The following PTX4 variants were observed in gnomAD, a reference collection of about 807,000 sequenced individuals.
PTX4 encodes the protein pentraxin-4.
A neutral mutation model predicts 19.1 loss-of-function variants in PTX4; 23 were observed. The observed-to-expected ratio is 1.20, with a 90% CI of 0.87 to 1.70. The LOEUF (loss-of-function observed/expected upper bound fraction) is 1.70. Among genes scored for constraint, PTX4 ranks in the 40% most tolerant of loss-of-function variants. PTX4 has a pLI of 0.00. For synonymous variants in PTX4, 317 were observed against 279.6 expected (o/e 1.13, Z -1.33); for missense variants, 678 against 610.5 (o/e 1.11, Z -1.17).
In PTX4 at chr16:1,488,790, C is replaced by T; in HGVS notation, c.120G>A (p.Arg40=). The T allele has an allele frequency of 1.4e-6, 1 of 701,956 alleles. No individual in the cohort carries two copies. The highest frequency in any genetic ancestry group is 2.6e-6 in the Non-Finnish European group (1 of 384,252). 43.5% of individuals were successfully genotyped at this position (701,956 alleles called of 1,614,324 possible). A position where few individuals can be genotyped will look rare whatever the true frequency, so the allele number is the denominator to read the frequency against. ...TTGCCTGTTCCTCCAGCCTACGGAG[C>T]CTCTCGAAAAACGGTTTCCTGGGCC... The part of the protein sequence containing the change: ...PVGPRKPFFE[R]LRRLEEQFRR... Residue 40 remains arginine (R), a synonymous_variant, in exon 1 of 3, where the codon AGG becomes AGA. Transcript: ENST00000447419.
chr16:1,488,030 G>C, intron 1 of PTX4, 60 bp from the exon 2 acceptor site: 5 of 1,488,176 alleles, frequency 3.4e-6, no homozygotes, highest in Non-Finnish European at 4.5e-6. Context: ...GGCGGGACGG[G>C]AAAGGCTTTG....
In PTX4 at chr16:1,488,864, C is replaced by T. The variant is rs2039274765; in HGVS notation, c.46G>A (p.Val16Met). The change falls in exon 1 of 3, where the codon GTG becomes ATG. Residue 16 changes from valine (V) to methionine (M), a missense_variant. Coordinates refer to ENST00000447419, the MANE Select transcript of PTX4 (RefSeq NM_001328608.2). ...RKTLSFFLVF[V>M]PIYLHGASSQ... ...GAAGCCCCATGTAGATATATAGGCACAAAAACAAGGAAGAAAGACAAGGTC... is the reference window on the plus strand; with the variant it reads ...GAAGCCCCATGTAGATATATAGGCATAAAAACAAGGAAGAAAGACAAGGTC... The T allele has an allele frequency of 1.4e-6, 1 of 701,812 alleles. No homozygotes were observed. Among genetic ancestry groups the T allele is most frequent in the Admixed American group, 2.0e-5 (1 of 49,926 alleles). The allele number at this position is 701,812 out of a possible 1,614,324, so 43.5% of individuals were successfully genotyped here.
At position 1,485,979 on chromosome 16, in the gene PTX4, A is replaced by C; in HGVS notation, c.1397T>G (p.Val466Gly). The change falls in exon 3 of 3, where the codon GTG becomes GGG. Residue 466 changes from valine to glycine, a missense_variant. Physicochemically the swap from Val to Gly is moderately radical, Grantham distance 109. Transcript: ENST00000447419. ...CAGGCAGGTGCAGTTGGCCCCCTGC[A>C]CAAATCCGCCTGCTAGTGCAGCATT... ...LANAALAGGF[V>G]QGANCTCLER... 6.2e-7 allele frequency: 1 copy of C among 1,611,792 alleles called. No homozygotes were observed.
In PTX4 at chr16:1,487,476, C is replaced by G; in HGVS notation, c.636G>C (p.Glu212Asp). The change falls in exon 2 of 3, where the codon GAG (glutamate) becomes GAC (aspartate). Residue 212 changes from glutamate to aspartate, a missense_variant. Glu to Asp is a conservative substitution (Grantham distance 45, BLOSUM62 2). Coordinates refer to ENST00000447419, the MANE Select transcript of PTX4 (RefSeq NM_001328608.2). Reference protein sequence around the residue: ...TSLKLQRDRQELRAASEHRGP... With the variant: ...TSLKLQRDRQDLRAASEHRGP... ...CCCTGTGCTCAGAGGCAGCTCGGAG[C>G]TCCTGCCTGTCCCTCTGAAGCTTCA... 6.6e-7 allele frequency: 1 copy of G among 1,509,332 alleles called. No homozygotes were observed. The highest frequency in any genetic ancestry group is 8.8e-7 in the Non-Finnish European group (1 of 1,130,190). 93.5% of individuals were successfully genotyped at this position (1,509,332 alleles called of 1,614,324 possible). A position where few individuals can be genotyped will look rare whatever the true frequency, so the allele number is the denominator to read the frequency against.
intron 1 of PTX4, 112 bp downstream of exon 1, chr16:1,488,657 G>C (rs1383287291): frequency 1.7e-5 from 11 of 630,820 alleles, no homozygotes; most frequent in Non-Finnish European, 3.1e-5. Flanking sequence ...CGTCACACGC[G>C]GTGTTCGTGT....
rs773765444 is a variant in PTX4 at position 1,487,789 on chromosome 16, A to T, written c.323T>A (p.Val108Glu). 6.2e-7 allele frequency: 1 copy of T among 1,612,670 alleles called. No homozygotes were observed. The highest frequency in any genetic ancestry group is 1.1e-5 in the South Asian group (1 of 91,046). Reference protein sequence around the residue: ...QGELAQLKAWVRKLQRRGRKV... With the variant: ...QGELAQLKAWERKLQRRGRKV... Reference sequence around the variant, plus strand: ...CCGGCCTCGGCGCTGCAGCTTCCTCACCCAGGCCTTGAGCTGCGCCAGCTC... The same window carrying T: ...CCGGCCTCGGCGCTGCAGCTTCCTCTCCCAGGCCTTGAGCTGCGCCAGCTC... Residue 108 changes from valine (V) to glutamate (E), a missense_variant, in exon 2 of 3, where the codon GTG (valine) becomes GAG (glutamate). Transcript: ENST00000447419.
intron 1 of PTX4, chr16:1,488,517 C>T (rs143253362): frequency 6.4e-7 from 1 of 1,566,052 alleles, no homozygotes; most frequent in Non-Finnish European, 8.8e-7. Context: ...CCCTTCCAGA[C>T]CCCCTTCTAG....
chr16:1,486,558 A>G lies in PTX4; in HGVS notation c.818T>C (p.Leu273Pro), dbSNP rs2039248471. 6.4e-7 allele frequency: 1 copy of G among 1,555,874 alleles called. No individual in the cohort carries two copies. The highest frequency in any genetic ancestry group is 1.4e-5 in the African/African-American group (1 of 72,792). Residue 273 changes from leucine to proline, a missense_variant, in exon 3 of 3, where the codon CTC becomes CCC. Leu to Pro is a moderately conservative substitution (Grantham distance 98, BLOSUM62 -3). Coordinates refer to ENST00000447419, the MANE Select transcript of PTX4 (RefSeq NM_001328608.2). ...PGEICGVGPT[L>P]VFPNASTRNV... Reference sequence around the variant, plus strand: ...CCTGGTGGAGGCGTTTGGGAAAACGAGGGTGGGGCCCACGCCGCAAACTAG... The same window carrying G: ...CCTGGTGGAGGCGTTTGGGAAAACGGGGGTGGGGCCCACGCCGCAAACTAG...
chr16:1,488,386 G>A (rs748181421), intron 1 of PTX4: 2 of 1,613,916 alleles, frequency 1.2e-6, no homozygotes, highest in Admixed American at 3.3e-5. Context: ...AACTGTCCGT[G>A]GACCCCGCGT....
intron 1 of PTX4, 22 bp downstream of exon 1, chr16:1,488,747 C>G: frequency 3.0e-6 from 2 of 670,754 alleles, no homozygotes. Context: ...CCCGACTGCG[C>G]CATGTCAGGG....
intron 1 of PTX4, chr16:1,488,551 C>T: frequency 7.7e-7 from 1 of 1,293,746 alleles, no homozygotes; most frequent in Admixed American, 1.8e-5. Flanking sequence ...CTGACCCCCA[C>T]ATGTTATGAG....
At position 1,487,903 on chromosome 16, in the gene PTX4, T is replaced by C; in HGVS notation, c.209A>G (p.Tyr70Cys). ...QNIASNYNVS[Y>C]NVDVRFRSLA... Reference sequence around the variant, plus strand: ...GCTCCGGAACCGGACGTCAACGTTGTAGGACACGTTGTAGTTGCTGGCGAT... The same window carrying C: ...GCTCCGGAACCGGACGTCAACGTTGCAGGACACGTTGTAGTTGCTGGCGAT... Residue 70 changes from tyrosine (Y) to cysteine (C), a missense_variant, in exon 2 of 3, where the codon TAC (tyrosine) becomes TGC (cysteine). By Grantham distance (194) the Tyr-to-Cys change is radical. Transcript: ENST00000447419. 1 of 1,612,262 alleles carries C rather than the reference T, an allele frequency of 6.2e-7. No individual in the cohort carries two copies. The highest frequency in any genetic ancestry group is 8.5e-7 in the Non-Finnish European group (1 of 1,179,524).
Position 1,488,899 on chromosome 16 carries a change from G to T in PTX4, c.11C>A (p.Ser4Ter). 1.4e-6 allele frequency: 1 copy of T among 699,686 alleles called. No individual in the cohort carries two copies. Among genetic ancestry groups the T allele is most frequent in the South Asian group, 1.5e-5 (1 of 67,374 alleles). 43.3% of individuals were successfully genotyped at this position (699,686 alleles called of 1,614,324 possible). The change falls in exon 1 of 3, where the codon TCG (serine) becomes TAG (stop). Residue 4 changes from serine (S) to a stop codon, truncating the protein, a stop_gained. Transcript: ENST00000447419. LOFTEE classifies it high-confidence loss of function. MGC[S>*]WRKTLSFFLV... ...GAAGAAAGACAAGGTCTTCCTCCAC[G>T]AGCAACCCATCCGGAGAGACGGCAA... is the stretch of plus-strand genomic sequence containing the variant.
intron 1 of PTX4, chr16:1,488,346 C>T (rs766152448): frequency 3.7e-6 from 6 of 1,613,304 alleles, no homozygotes; most frequent in South Asian, 2.2e-5. Flanking sequence ...AAGCACCCAG[C>T]GCAGGCCCGA....
chr16:1,487,986 G>A lies in PTX4; in HGVS notation c.142-16C>T, dbSNP rs371214946. The stretch of plus-strand genomic sequence containing the variant: ...ATCTCCGGAACTGTAAGGAGGACAC[G>A]GTGATGATGGGGCGGGCCGGGCCGG... On this transcript the variant is annotated splice_polypyrimidine_tract_variant and intron_variant, in intron 1 of 2. Coordinates refer to ENST00000447419, the MANE Select transcript of PTX4 (RefSeq NM_001328608.2). 280 of 1,553,038 alleles carry A rather than the reference G, an allele frequency of 1.8e-4. 1 individual carries two copies. The highest frequency in any genetic ancestry group is 2.2e-4 in the Non-Finnish European group (252 of 1,144,876).
At chr16:1,488,257 T>C (rs2039267956) in intron 1 of PTX4, 4 of 1,553,772 alleles carry the variant, frequency 2.6e-6, no homozygotes, top group Non-Finnish European at 3.5e-6. Flanking sequence ...CAAGTCACTT[T>C]CCCTCGTGAT....
chr16:1,487,793 A>G lies in PTX4; in HGVS notation c.319T>C (p.Trp107Arg). The change falls in exon 2 of 3, where the codon TGG becomes CGG. Residue 107 changes from tryptophan (W) to arginine (R), a missense_variant. By Grantham distance (101) the Trp-to-Arg change is moderately radical. Transcript: ENST00000447419. ...CCTCGGCGCTGCAGCTTCCTCACCC[A>G]GGCCTTGAGCTGCGCCAGCTCCCCC... ...VQGELAQLKA[W>R]VRKLQRRGRK... is the part of the protein sequence containing the mutation. The G allele has an allele frequency of 6.2e-7, 1 of 1,612,884 alleles. No individual in the cohort carries two copies. Among genetic ancestry groups the G allele is most frequent in the Non-Finnish European group, 8.5e-7 (1 of 1,179,780 alleles).
Position 1,486,064 on chromosome 16 carries a change from C to T in PTX4, c.1312G>A (p.Glu438Lys), listed in dbSNP as rs1472079248. The T allele has an allele frequency of 6.2e-7, 1 of 1,614,166 alleles. No individual in the cohort carries two copies. The change falls in exon 3 of 3, where the codon GAA becomes AAA. Residue 438 changes from glutamate (E) to lysine (K), a missense_variant. Glu to Lys is a moderately conservative substitution (Grantham distance 56). Coordinates refer to ENST00000447419, the MANE Select transcript of PTX4 (RefSeq NM_001328608.2). ...TTCCCGATGGCAAGGTTTGCAACTT[C>T]CCCGGGAACCAGCGCCCGATCCCAG... is the stretch of plus-strand genomic sequence containing the variant. ...AIWDRALVPG[E>K]VANLAIGKEF... is the part of the protein sequence containing the mutation.
chr16:1,486,073 C>G lies in PTX4; in HGVS notation c.1303G>C (p.Val435Leu). Residue 435 changes from valine (V) to leucine (L), a missense_variant, in exon 3 of 3, where the codon GTT (valine) becomes CTT (leucine). Physicochemically the swap from Val to Leu is conservative, Grantham distance 32 (BLOSUM62 1). Transcript: ENST00000447419. ...GCAAGGTTTGCAACTTCCCCGGGAA[C>G]CAGCGCCCGATCCCAGATAGCCAAG... ...SGLAIWDRAL[V>L]PGEVANLAIG... is the part of the protein sequence containing the mutation. 6.2e-7 allele frequency: 1 copy of G among 1,614,206 alleles called. No homozygotes were observed. The highest frequency in any genetic ancestry group is 8.5e-7 in the Non-Finnish European group (1 of 1,180,032).
Sources: allele counts gnomAD v4.1 joint callset, GRCh38; gene constraint gnomAD v4.1.1; transcripts MANE v1.5; gene names NCBI Gene and HGNC (gene_info 2026-07-23, HGNC 2026-07-21).